CD1E: variants seen among roughly 807,000 people sequenced by gnomAD.
The protein encoded by CD1E is CD1e molecule, also known as T-cell surface glycoprotein CD1e, membrane-associated.
Under a neutral mutation model 40.1 loss-of-function variants are expected in CD1E, and 49 were observed. The ratio of observed to expected loss-of-function variants is 1.22; its 90% CI spans 0.97 to 1.55. The LOEUF (loss-of-function observed/expected upper bound fraction) is 1.55. Among genes scored for constraint, CD1E ranks in the 40% most tolerant of loss-of-function variants. CD1E has a pLI of 0.00. For missense variants in CD1E, 492 were observed against 471.3 expected (o/e 1.04, Z -0.41); for synonymous variants, 189 against 178.3 (o/e 1.06, Z -0.48).
chr1:158,356,243 T>C (rs1653664950), intron 4 of CD1E, 138 bp downstream of exon 4: 2 of 1,040,070 alleles, frequency 1.9e-6, no homozygotes. Flanking sequence ...AAGGATAGAG[T>C]ATGACAGTAG....
rs368721843 is a variant in CD1E at position 158,354,536 on chromosome 1, C to A, written c.218C>A (p.Thr73Asn). 1.5e-5 allele frequency: 24 copies of A among 1,613,998 alleles called. No homozygotes were observed. Among genetic ancestry groups the A allele is most frequent in the East Asian group, 2.2e-5 (1 of 44,886 alleles). The stretch of plus-strand genomic sequence containing the variant: ...CATGGCTGGGACACTGTCTTGGGCA[C>A]CATCCGCTTTCTGAAGCCCTGGTCC... ...QTHGWDTVLG[T>N]IRFLKPWSHG... Residue 73 changes from threonine (T) to asparagine (N), a missense_variant, in exon 2 of 6, where the codon ACC becomes AAC. Thr to Asn is a moderately conservative substitution (Grantham distance 65). Transcript: ENST00000368167.
At chr1:158,354,254 A>T in intron 1 of CD1E, 123 bp from the exon 2 acceptor site, 1 of 1,009,232 alleles carries the variant, frequency 9.9e-7, no homozygotes, top group Non-Finnish European at 1.5e-6. Context: ...CCCACAGGAA[A>T]AGGGTATTGG....
intron 3 of CD1E, 35 bp downstream of exon 3, chr1:158,355,604 A>T (rs149163969): frequency 1.3e-6 from 2 of 1,597,166 alleles, no homozygotes; most frequent in East Asian, 4.5e-5. Context: ...TCTTGTTCCT[A>T]GTACTATAAC....
In CD1E at chr1:158,355,366, C is replaced by T. The variant is rs1434168374; in HGVS notation, c.422C>T (p.Ala141Val). The stretch of plus-strand genomic sequence containing the variant: ...GCCCCACAAATCTTCTTAAATATGG[C>T]ATATCAAGGGTCAGATTTCCTGAGT... Reference protein sequence around the residue: ...MNAPQIFLNMAYQGSDFLSFQ... With the variant: ...MNAPQIFLNMVYQGSDFLSFQ... Residue 141 changes from alanine to valine, a missense_variant, in exon 3 of 6, where the codon GCA (alanine) becomes GTA (valine). Physicochemically the swap from Ala to Val is moderately conservative, Grantham distance 64 (BLOSUM62 0). Coordinates refer to ENST00000368167, the MANE Select transcript of CD1E (RefSeq NM_030893.4). 6.2e-7 allele frequency: 1 copy of T among 1,613,828 alleles called. No individual in the cohort carries two copies. Among genetic ancestry groups the T allele is most frequent in the South Asian group, 1.1e-5 (1 of 91,080 alleles).
At position 158,356,106 on chromosome 1, in the gene CD1E, G is replaced by T. The variant is rs1432577116; in HGVS notation, c.904+1G>T. On this transcript the variant is annotated splice_donor_variant, in intron 4 of 5. Transcript: ENST00000368167. LOFTEE classifies it high-confidence loss of function. ...GGCCATGATCTAATCATCCATTGGG[G>T]TGAGAAACAGCTGAGGCTCTGCTGG... 1 of 1,613,480 alleles carries T rather than the reference G, an allele frequency of 6.2e-7. No individual in the cohort carries two copies. Among genetic ancestry groups the T allele is most frequent in the African/African-American group, 1.3e-5 (1 of 74,926 alleles).
intron 2 of CD1E, among the ~76,000 whole-genome samples, chr1:158,354,898 C>G (rs1653430134): frequency 6.6e-6 from 1 of 152,298 alleles, no homozygotes; most frequent in East Asian, 1.9e-4. Flanking sequence ...AGCTTCATGT[C>G]TGGCTCTTTG....
At position 158,355,955 on chromosome 1, in the gene CD1E, C is replaced by T. The variant is rs372577196; in HGVS notation, c.754C>T (p.Arg252Trp). 2.3e-5 allele frequency: 37 copies of T among 1,613,974 alleles called. No homozygotes were observed. Among genetic ancestry groups the T allele is most frequent in the Admixed American group, 1.5e-4 (9 of 59,996 alleles). ...GTGGATGCGGGGTGAGCAGGAGCAGCGGGGCACTCAGCGAGGGGACGTCCT... is the reference window on the plus strand; with the variant it reads ...GTGGATGCGGGGTGAGCAGGAGCAGTGGGGCACTCAGCGAGGGGACGTCCT... ...VMWMRGEQEQ[R>W]GTQRGDVLPN... is the part of the protein sequence containing the mutation. The change falls in exon 4 of 6, where the codon CGG (arginine) becomes TGG (tryptophan). Residue 252 changes from arginine to tryptophan, a missense_variant. Coordinates refer to ENST00000368167, the MANE Select transcript of CD1E (RefSeq NM_030893.4).
chr1:158,353,936 G>A lies in CD1E; in HGVS notation c.-53G>A. 1 of 1,455,968 alleles carries A rather than the reference G, an allele frequency of 6.9e-7. No homozygotes were observed. Among genetic ancestry groups the A allele is most frequent in the Non-Finnish European group, 9.6e-7 (1 of 1,036,772 alleles). The allele number at this position is 1,455,968 out of a possible 1,614,324, so 90.2% of individuals were successfully genotyped here. On this transcript the variant is annotated 5_prime_UTR_variant, in exon 1 of 6. Coordinates refer to ENST00000368167, the MANE Select transcript of CD1E (RefSeq NM_030893.4). ...GGTGTGGAGAGGGGTACTGATATCT[G>A]AATTATTAGGGCAGGTGTCCTGCCA...
At chr1:158,355,749 C>T (rs943992396) in intron 3 of CD1E, 78 bp from the exon 4 acceptor site, 86 of 1,483,818 alleles carry the variant, frequency 5.8e-5, no homozygotes, top group Non-Finnish European at 1.6e-5. Context: ...AGTATTATTA[C>T]AAAGGCACCT....
In CD1E at chr1:158,354,564, T is replaced by C. The variant is rs752565033; in HGVS notation, c.246T>C (p.His82=). The change falls in exon 2 of 6, where the codon CAT becomes CAC. Residue 82 remains histidine (H), a synonymous_variant. Coordinates refer to ENST00000368167, the MANE Select transcript of CD1E (RefSeq NM_030893.4). ...TCCGCTTTCTGAAGCCCTGGTCCCA[T>C]GGAAACTTCAGCAAGCAGGAGCTGA... is the stretch of plus-strand genomic sequence containing the variant. The part of the protein sequence containing the change: ...GTIRFLKPWS[H]GNFSKQELKN... 6.2e-7 allele frequency: 1 copy of C among 1,614,150 alleles called. No individual in the cohort carries two copies. The highest frequency in any genetic ancestry group is 1.1e-5 in the South Asian group (1 of 91,082).
Position 158,356,566 on chromosome 1 carries a change from G to T in CD1E, c.973G>T (p.Val325Phe), listed in dbSNP as rs1169670805. The T allele has an allele frequency of 6.2e-6, 10 of 1,613,598 alleles. No individual in the cohort carries two copies. The highest frequency in any genetic ancestry group is 1.1e-5 in the South Asian group (1 of 91,028). ...AGTTACCCTGGTCATATTGGTTGTA[G>T]TTGACTCACGGTTAAAAAAACAGAG... Reference protein sequence around the residue: ...VIVTLVILVVVDSRLKKQSSN... With the variant: ...VIVTLVILVVFDSRLKKQSSN... The change falls in exon 5 of 6, where the codon GTT becomes TTT. Residue 325 changes from valine to phenylalanine, a missense_variant. By Grantham distance (50) the Val-to-Phe change is conservative. Coordinates refer to ENST00000368167, the MANE Select transcript of CD1E (RefSeq NM_030893.4).
In CD1E at chr1:158,354,393, A is replaced by G. The variant is rs746012101; in HGVS notation, c.75A>G (p.Gln25=). ...CTCTCTCAGCTCCCCAGGCTCTACA[A>G]TCCTATCATCTAGCAGCAGAGGAGC... The part of the protein sequence containing the change: ...GENTAAPQAL[Q]SYHLAAEEQL... Residue 25 remains glutamine (Q), a synonymous_variant, in exon 2 of 6, where the codon CAA becomes CAG. Coordinates refer to ENST00000368167, the MANE Select transcript of CD1E (RefSeq NM_030893.4). 1.2e-6 allele frequency: 2 copies of G among 1,609,402 alleles called. No homozygotes were observed. The highest frequency in any genetic ancestry group is 2.7e-5 in the African/African-American group (2 of 74,752).
At chr1:158,355,248 T>C (rs1211959200) in intron 2 of CD1E, 52 bp from the exon 3 acceptor site, 18 of 1,563,768 alleles carry the variant, frequency 1.2e-5, no homozygotes, top group Non-Finnish European at 1.6e-5. Flanking sequence ...TTGTTTGTTT[T>C]TCTTCCTTGT....
rs1364314407 is a variant in CD1E, at chr1:158,357,182, A to G, written c.*286A>G. On this transcript the variant is annotated 3_prime_UTR_variant, in exon 6 of 6. Transcript: ENST00000368167. Reference sequence around the variant, plus strand: ...TACTCCCCAAATTGAACTGATCTTCACAAGCACATTCATCTCTTCCTACTC... The same window carrying G: ...TACTCCCCAAATTGAACTGATCTTCGCAAGCACATTCATCTCTTCCTACTC... 6 of 283,570 alleles carry G rather than the reference A, an allele frequency of 2.1e-5. No individual in the cohort carries two copies. The highest frequency in any genetic ancestry group is 1.3e-4 in the African/African-American group (6 of 46,154). The allele number at this position is 283,570 out of a possible 1,614,324, so 17.6% of individuals were successfully genotyped here.
Position 158,353,912 on chromosome 1 carries a change from G to A in CD1E, c.-77G>A. On this transcript the variant is annotated 5_prime_UTR_variant, in exon 1 of 6. In the 5' UTR this introduces an upstream ATG that the reference lacks. Transcript: ENST00000368167. ...GGAAGTCAGACGAGAGTGCAAGAGG[G>A]TGTGGAGAGGGGTACTGATATCTGA... is the stretch of plus-strand genomic sequence containing the variant. 1.8e-6 allele frequency: 2 copies of A among 1,123,562 alleles called. No homozygotes were observed. Among genetic ancestry groups the A allele is most frequent in the Admixed American group, 1.7e-5 (1 of 58,714 alleles). The allele number at this position is 1,123,562 out of a possible 1,614,324, so 69.6% of individuals were successfully genotyped here.
At position 158,356,022 on chromosome 1, in the gene CD1E, A is replaced by C. The variant is rs1345420048; in HGVS notation, c.821A>C (p.Asp274Ala). 3 of 1,613,972 alleles carry C rather than the reference A, an allele frequency of 1.9e-6. No individual in the cohort carries two copies. Among genetic ancestry groups the C allele is most frequent in the Non-Finnish European group, 2.5e-6 (3 of 1,180,020 alleles). ...DETWYLRATL[D>A]VAAGEAAGLS... is the part of the protein sequence containing the mutation. ...ACATGGTATCTCCGAGCAACCCTGG[A>C]TGTGGCGGCTGGGGAGGCAGCTGGC... The change falls in exon 4 of 6, where the codon GAT becomes GCT. Residue 274 changes from aspartate (D) to alanine (A), a missense_variant. Transcript: ENST00000368167.
Position 158,354,596 on chromosome 1 carries a change from T to TA in CD1E, c.279dup (p.Gln94ThrfsTer10), listed in dbSNP as rs1653382556. The TA allele has an allele frequency of 6.2e-7, 1 of 1,614,010 alleles. No individual in the cohort carries two copies. Among genetic ancestry groups the TA allele is most frequent in the African/African-American group, 1.3e-5 (1 of 74,914 alleles). ...TTCAGCAAGCAGGAGCTGAAAAACT[T>TA]ACAGTCACTGTTCCAGTTATACTTC... is the stretch of plus-strand genomic sequence containing the variant. On this transcript the variant is annotated frameshift_variant, in exon 2 of 6. Coordinates refer to ENST00000368167, the MANE Select transcript of CD1E (RefSeq NM_030893.4). LOFTEE classifies it high-confidence loss of function.
chr1:158,355,851 G>A lies in CD1E; in HGVS notation c.650G>A (p.Cys217Tyr). The change falls in exon 4 of 6, where the codon TGT (cysteine) becomes TAT (tyrosine). Residue 217 changes from cysteine to tyrosine, a missense_variant. Physicochemically the swap from Cys to Tyr is radical, Grantham distance 194. Transcript: ENST00000368167. The stretch of plus-strand genomic sequence containing the variant: ...GTGAAGCCAGAGGCCTGGCTGTCCT[G>A]TGGCCCCAGTCCTGGCCCTGGCCGT... ...RKVKPEAWLS[C>Y]GPSPGPGRLQ... is the part of the protein sequence containing the mutation. The A allele has an allele frequency of 2.5e-6, 4 of 1,613,822 alleles. No homozygotes were observed. The highest frequency in any genetic ancestry group is 3.4e-6 in the Non-Finnish European group (4 of 1,179,856).
chr1:158,356,442 C>T, intron 4 of CD1E, 56 bp from the exon 5 acceptor site: 1 of 1,368,388 alleles, frequency 7.3e-7, no homozygotes. Context: ...TGGGAAATCT[C>T]AGCTTGGTGG....
Sources: allele counts gnomAD v4.1 joint callset (sites outside exome capture counted in the v4.1 genomes callset), GRCh38; gene constraint gnomAD v4.1.1; transcripts MANE v1.5; gene names NCBI Gene and HGNC (gene_info 2026-07-23, HGNC 2026-07-21).